Variants in SLC66A2 observed in about 807,000 individuals in gnomAD.
The protein encoded by SLC66A2 is PQ loop repeat containing 1.
Under a neutral mutation model 25.5 loss-of-function variants are expected in SLC66A2, and 23 were observed. The observed-to-expected ratio is 0.90, with a 90% confidence interval of 0.65 to 1.28. The LOEUF is 1.28. Among genes scored for constraint, SLC66A2 ranks in the 50% most tolerant of loss-of-function variants. SLC66A2 has a pLI of 0.00. For synonymous variants in SLC66A2, 193 were observed against 166.5 expected (o/e 1.16, Z -1.23); for missense variants, 396 against 373.1 (o/e 1.06, Z -0.51).
At chr18:79,943,523 A>C in intron 2 of SLC66A2, 61 bp from the exon 3 acceptor site, 1 of 1,578,336 alleles carries the variant, frequency 6.3e-7, no homozygotes, top group Non-Finnish European at 8.6e-7. Context: ...CCAGTCCCGA[A>C]CCTGCAGCGG....
In SLC66A2 at chr18:79,949,662, C is replaced by CA. The variant is rs369602790; in HGVS notation, c.203+1061dup. ...CTGGCGACAGAGCAAGACTCTGTCT[C>CA]AAAAAAAAACAAAACAAAACTAACA... On this transcript the variant is annotated intron_variant, in intron 2 of 5. Coordinates refer to ENST00000397778, the MANE Select transcript of SLC66A2 (RefSeq NM_025078.5). 3.2e-3 allele frequency: 475 copies of CA among 148,814 alleles called. 1 individual carries two copies. The highest frequency in any genetic ancestry group is 8.5e-3 in the African/African-American group (341 of 40,328). 9.2% of individuals were successfully genotyped at this position (148,814 alleles called of 1,614,324 possible).
At position 79,918,424 on chromosome 18, in the gene SLC66A2, G is replaced by GC. The variant is rs1568305341; in HGVS notation, c.608+759_608+760insG. Among the ~76,000 whole-genome samples, 2 of 148,830 alleles carry GC rather than the reference G, an allele frequency of 1.3e-5. No individual in the cohort carries two copies. The highest frequency in any genetic ancestry group is 4.9e-5 in the African/African-American group (2 of 41,060). The stretch of plus-strand genomic sequence containing the variant: ...ATCCCCAGTGAGGAGCGGGCCCGGG[G>GC]GGGGGTCCCCAGTGAGGAGCGGGCA... On this transcript the variant is annotated intron_variant, in intron 5 of 5. Coordinates refer to ENST00000397778, the MANE Select transcript of SLC66A2 (RefSeq NM_025078.5). This position sits in a 1 kb window ranked among gnomAD's most constrained non-coding sequence, Gnocchi z 4.0.
rs1471773499 is a variant in SLC66A2, at chr18:79,918,650, G to A, written c.608+534C>T. Among the ~76,000 whole-genome samples the A allele has an allele frequency of 6.6e-6, 1 of 152,260 alleles. No homozygotes were observed. Among genetic ancestry groups the A allele is most frequent in the East Asian group, 1.9e-4 (1 of 5,202 alleles). ...CTCGCGTTGTGCCCTACCTCTGGCG[G>A]TCACGGGGACGTCCAGGCACGCACT... On this transcript the variant is annotated intron_variant, in intron 5 of 5. Coordinates refer to ENST00000397778, the MANE Select transcript of SLC66A2 (RefSeq NM_025078.5). This position sits in a 1 kb window ranked among gnomAD's most constrained non-coding sequence, Gnocchi z 4.0.
chr18:79,911,018 C>CA (rs1983032953), intron 5 of SLC66A2, among the ~76,000 whole-genome samples: 1 of 152,262 alleles, frequency 6.6e-6, no homozygotes, highest in Non-Finnish European at 1.5e-5. Context: ...CTAAGAGGCT[C>CA]ACTGCAGCAC....
In SLC66A2 at chr18:79,950,714, C is replaced by T. The variant is rs374529705; in HGVS notation, c.203+10G>A. On this transcript the variant is annotated intron_variant, in intron 2 of 5. Transcript: ENST00000397778. ...CGGGTGCAGCCCAGGAAAGCAAGCC[C>T]CCAACTTACCAGAAGAGTATCCGCA... 1.6e-5 allele frequency: 26 copies of T among 1,612,726 alleles called. No homozygotes were observed. In the African/African-American group the frequency reaches 3.5e-4, roughly 22 times the overall value.
At position 79,941,985 on chromosome 18, in the gene SLC66A2, G is replaced by A. The variant is rs1987712780; in HGVS notation, c.337+1344C>T. Among the ~76,000 whole-genome samples, 1 of 152,244 alleles carries A rather than the reference G, an allele frequency of 6.6e-6. No individual in the cohort carries two copies. Among genetic ancestry groups the A allele is most frequent in the African/African-American group, 2.4e-5 (1 of 41,468 alleles). On this transcript the variant is annotated intron_variant, in intron 3 of 5. Coordinates refer to ENST00000397778, the MANE Select transcript of SLC66A2 (RefSeq NM_025078.5). This position sits in a 1 kb window ranked among gnomAD's most constrained non-coding sequence, Gnocchi z 4.1. ...GCCCTCCCACAGTGAGAACATTCTT[G>A]TTCCAAGTTAAATACTGAGGTTCAA... is the stretch of plus-strand genomic sequence containing the variant.
At chr18:79,950,200 C>A in intron 2 of SLC66A2, among the ~76,000 whole-genome samples, 1 of 151,524 alleles carries the variant, frequency 6.6e-6, no homozygotes, top group Non-Finnish European at 1.5e-5. Flanking sequence ...ACAAAAAATA[C>A]AAAAAAAACA....
chr18:79,909,716 CAG>C (rs1599490107), intron 5 of SLC66A2, among the ~76,000 whole-genome samples: 2 of 115,078 alleles, frequency 1.7e-5, no homozygotes, highest in Non-Finnish European at 3.5e-5. Context: ...CATCTCACAA[CAG>C]AGTCCCCAAC....
rs1986071932 is a variant in SLC66A2 at position 79,927,308 on chromosome 18, AGT to A, written c.391+6659_391+6660del. Among the ~76,000 whole-genome samples, 1 of 139,004 alleles carries A rather than the reference AGT, an allele frequency of 7.2e-6. No homozygotes were observed. The highest frequency in any genetic ancestry group is 3.3e-5 in the African/African-American group (1 of 30,092). 91.2% of individuals were successfully genotyped at this position (139,004 alleles called of 152,430 possible). On this transcript the variant is annotated intron_variant, in intron 4 of 5. Coordinates refer to ENST00000397778, the MANE Select transcript of SLC66A2 (RefSeq NM_025078.5). The surrounding 1 kb of genome is among the most constrained non-coding windows in gnomAD (Gnocchi z 6.2). ...GAGGGACCTGAGGGGCACAGGCTAC[AGT>A]CGGGAGAGCCCCGGGCAGGCACACA...
At chr18:79,922,882 CAG>C (rs1290313525) in intron 4 of SLC66A2, among the ~76,000 whole-genome samples, 8 of 125,102 alleles carry the variant, frequency 6.4e-5, no homozygotes, top group Admixed American at 5.8e-4. Context: ...CATCAGAGGG[CAG>C]AGAGGCCAGG....
chr18:79,911,928 G>T (rs1983223155), intron 5 of SLC66A2, among the ~76,000 whole-genome samples: 1 of 137,700 alleles, frequency 7.3e-6, no homozygotes, highest in Non-Finnish European at 1.6e-5. Flanking sequence ...ACGGGAGCAG[G>T]GAGGGGACAG....
intron 4 of SLC66A2, among the ~76,000 whole-genome samples, chr18:79,930,807 T>C (rs919884891): frequency 1.6e-4 from 24 of 152,216 alleles, no homozygotes; most frequent in Admixed American, 1.5e-3. Context: ...CTCCATAATA[T>C]ATGTTTGTTC....
intron 5 of SLC66A2, among the ~76,000 whole-genome samples, chr18:79,912,236 G>A (rs1429270580): frequency 2.1e-5 from 3 of 143,566 alleles, no homozygotes; most frequent in Admixed American, 7.2e-5. Context: ...ACATCCAACC[G>A]GCGATTCCAC....
chr18:79,950,419 A>C (rs1411256278), intron 2 of SLC66A2, among the ~76,000 whole-genome samples: 4 of 152,250 alleles, frequency 2.6e-5, no homozygotes, highest in Non-Finnish European at 4.4e-5. Context: ...TCCTCTCCAC[A>C]GGCAGGCCTA....
chr18:79,911,784 G>A (rs572247178), intron 5 of SLC66A2, among the ~76,000 whole-genome samples: 2 of 149,360 alleles, frequency 1.3e-5, no homozygotes, highest in Non-Finnish European at 3.0e-5. Context: ...GGAGCAGGGA[G>A]GAGACAGGAG....
intron 5 of SLC66A2, among the ~76,000 whole-genome samples, chr18:79,916,242 C>T (rs1199662913): frequency 9.2e-6 from 1 of 108,518 alleles, no homozygotes; most frequent in Non-Finnish European, 2.0e-5. Flanking sequence ...CTCCCGTACC[C>T]GTGGTGCTCT....
intron 5 of SLC66A2, among the ~76,000 whole-genome samples, chr18:79,914,943 G>T (rs1434950708): frequency 1.3e-5 from 2 of 152,270 alleles, no homozygotes; most frequent in Non-Finnish European, 2.9e-5. Flanking sequence ...TCACACTCGG[G>T]TGATACTAAA....
At chr18:79,913,867 T>G (rs1375926278) in intron 5 of SLC66A2, among the ~76,000 whole-genome samples, 5 of 152,144 alleles carry the variant, frequency 3.3e-5, no homozygotes, top group Non-Finnish European at 5.9e-5. Flanking sequence ...GAGCTGAAGT[T>G]CAGGCTGTCA....
intron 5 of SLC66A2, among the ~76,000 whole-genome samples, chr18:79,916,211 G>A (rs1318227381): frequency 6.3e-4 from 67 of 107,112 alleles, no homozygotes; most frequent in African/African-American, 2.0e-3. Context: ...CCGTACCCGC[G>A]GCGCTCTTGT....
Sources: allele counts gnomAD v4.1 joint callset (sites outside exome capture counted in the v4.1 genomes callset), GRCh38; gene constraint gnomAD v4.1.1; non-coding constraint Gnocchi (gnomAD v3.1); transcripts MANE v1.5; gene names NCBI Gene and HGNC (gene_info 2026-07-23, HGNC 2026-07-21).